Variants in GOT1L1 observed in about 807,000 individuals in gnomAD.
GOT1L1 encodes the protein aspartate aminotransferase, cytoplasmic 2.
Under a neutral mutation model 43.6 loss-of-function variants are expected in GOT1L1, and 38 were observed. That is an observed-to-expected ratio of 0.87 (90% confidence interval 0.67 to 1.14). The LOEUF (loss-of-function observed/expected upper bound fraction) is 1.14, where lower values mean the gene tolerates loss of function less well. Ranked by LOEUF, GOT1L1 falls within the 50% of genes most tolerant of loss-of-function variation. GOT1L1 has a pLI of 0.00. For missense variants in GOT1L1, 482 were observed against 504.0 expected (o/e 0.96, Z 0.42); for synonymous variants, 183 against 187.2 (o/e 0.98, Z 0.18).
At chr8:37,936,616 A>G in intron 6 of GOT1L1, 104 bp downstream of exon 6, 1 of 1,014,616 alleles carries the variant, frequency 9.9e-7, no homozygotes, top group East Asian at 2.4e-5. Flanking sequence ...CTCTCCCTAG[A>G]GTCCTTGGCT....
At chr8:37,937,466 G>A in intron 3 of GOT1L1, 80 bp from the exon 4 acceptor site, 1 of 1,068,672 alleles carries the variant, frequency 9.4e-7, no homozygotes, top group East Asian at 2.5e-5. Context: ...GTGGGGCTGA[G>A]AGTCACTGGC....
intron 2 of GOT1L1, 130 bp from the exon 3 acceptor site, chr8:37,937,879 A>C: frequency 1.6e-6 from 1 of 617,248 alleles, no homozygotes; most frequent in South Asian, 1.8e-5. Flanking sequence ...CGTATCTACT[A>C]AAAATACAAA....
rs375063038 is a variant in GOT1L1, at chr8:37,935,212, C to G, written c.933G>C (p.Lys311Asn). The change falls in exon 8 of 9, where the codon AAG (lysine) becomes AAC (asparagine). Residue 311 changes from lysine (K) to asparagine (N), a missense_variant. Physicochemically the swap from Lys to Asn is moderately conservative, Grantham distance 94. Transcript: ENST00000307599. ...LCNPALLGEWKQSLKEVVENI... is the reference protein window; with the variant it reads ...LCNPALLGEWNQSLKEVVENI... ...TCTCTACAACTTCTTTTAGACTCTG[C>G]TTCCTACCAAGGAAGGACAATGAGA... is the stretch of plus-strand genomic sequence containing the variant. The G allele has an allele frequency of 4.4e-6, 7 of 1,592,220 alleles. No individual in the cohort carries two copies. Among genetic ancestry groups the G allele is most frequent in the South Asian group, 1.1e-5 (1 of 87,996 alleles).
chr8:37,939,808 C>T, intron 1 of GOT1L1, 107 bp downstream of exon 1: 1 of 1,083,366 alleles, frequency 9.2e-7, no homozygotes, highest in East Asian at 2.7e-5. Context: ...ATCTCTCCAC[C>T]CACAGAAGCT....
At position 37,937,276 on chromosome 8, in the gene GOT1L1, C is replaced by A. The variant is rs1321075694; in HGVS notation, c.519+1G>T. Reference sequence around the variant, plus strand: ...GGAGTTTCTGAGCGGGGCCCCTCTACCTCCACCACATTGAGGAGTATGTCG... The same window carrying A: ...GGAGTTTCTGAGCGGGGCCCCTCTAACTCCACCACATTGAGGAGTATGTCG... On this transcript the variant is annotated splice_donor_variant, in intron 4 of 8. Coordinates refer to ENST00000307599, the MANE Select transcript of GOT1L1 (RefSeq NM_152413.3). LOFTEE classifies it high-confidence loss of function. The A allele has an allele frequency of 2.5e-6, 4 of 1,581,242 alleles. No homozygotes were observed. The highest frequency in any genetic ancestry group is 3.4e-6 in the Non-Finnish European group (4 of 1,163,242).
Position 37,935,728 on chromosome 8 carries a change from C to T in GOT1L1, c.905G>A (p.Cys302Tyr), listed in dbSNP as rs776381837. 1.3e-6 allele frequency: 2 copies of T among 1,598,652 alleles called. No individual in the cohort carries two copies. The highest frequency in any genetic ancestry group is 3.3e-4 in the Middle Eastern group (2 of 5,992). Residue 302 changes from cysteine to tyrosine, a missense_variant, in exon 7 of 9, where the codon TGC becomes TAC. Physicochemically the swap from Cys to Tyr is radical, Grantham distance 194 (BLOSUM62 -2). Coordinates refer to ENST00000307599, the MANE Select transcript of GOT1L1 (RefSeq NM_152413.3). Reference protein sequence around the residue: ...TGARVITSILCNPALLGEWKQ... With the variant: ...TGARVITSILYNPALLGEWKQ... ...CCATTCTCCCAGCAGAGCAGGGTTG[C>T]AGAGGATGGAGGTGATGACACGTGC...
rs149617827 is a variant in GOT1L1 at position 37,937,578 on chromosome 8, G to A, written c.409+60C>T. The A allele has an allele frequency of 5.5e-4, 689 of 1,251,330 alleles. 5 individuals are homozygous for A. In the African/African-American group the frequency reaches 9.2e-3, roughly 17 times the overall value. The allele number at this position is 1,251,330 out of a possible 1,614,324, so 77.5% of individuals were successfully genotyped here. On this transcript the variant is annotated intron_variant, in intron 3 of 8. Transcript: ENST00000307599. Reference sequence around the variant, plus strand: ...GGATAACAGTGAAGATGGCAAATGGGGTGAGGATTAGGAACAAGGGACGGG... The same window carrying A: ...GGATAACAGTGAAGATGGCAAATGGAGTGAGGATTAGGAACAAGGGACGGG...
chr8:37,939,580 TG>T (rs1455457417), intron 1 of GOT1L1, among the ~76,000 whole-genome samples: 1 of 151,070 alleles, frequency 6.6e-6, no homozygotes, highest in Non-Finnish European at 1.5e-5. Flanking sequence ...GAACCATTCT[TG>T]GTTCAAGAAC....
rs760143482 is a variant in GOT1L1, at chr8:37,934,498, A to G, written c.1073-12T>C. The G allele has an allele frequency of 8.1e-6, 13 of 1,603,552 alleles. No homozygotes were observed. Among genetic ancestry groups the G allele is most frequent in the Non-Finnish European group, 1.1e-5 (13 of 1,170,804 alleles). On this transcript the variant is annotated splice_polypyrimidine_tract_variant and intron_variant, in intron 8 of 8. Coordinates refer to ENST00000307599, the MANE Select transcript of GOT1L1 (RefSeq NM_152413.3). ...TTCCACCTGCTGGGCTAAAATCATG[A>G]CAAGGTCTCAGATCTCGAGACTGGC... is the stretch of plus-strand genomic sequence containing the variant.
intron 7 of GOT1L1, 111 bp downstream of exon 7, chr8:37,935,592 TA>T: frequency 9.9e-7 from 1 of 1,007,608 alleles, no homozygotes; most frequent in Non-Finnish European, 1.4e-6. Context: ...ATGAATGGAG[TA>T]AAAAGGCCAC....
intron 7 of GOT1L1, 135 bp from the exon 8 acceptor site, chr8:37,935,350 G>A: frequency 6.4e-6 from 6 of 937,380 alleles, no homozygotes; most frequent in Non-Finnish European, 9.4e-6. Flanking sequence ...ATTATGAGTG[G>A]GAGGGAGGTT....
intron 1 of GOT1L1, among the ~76,000 whole-genome samples, chr8:37,939,636 GA>G: frequency 6.6e-6 from 1 of 151,760 alleles, no homozygotes; most frequent in Non-Finnish European, 1.5e-5. Flanking sequence ...AGAATCTGAA[GA>G]AGTGTGGGAT....
rs202216080 is a variant in GOT1L1, at chr8:37,935,768, G to A, written c.865C>T (p.Pro289Ser). 28 of 1,611,896 alleles carry A rather than the reference G, an allele frequency of 1.7e-5. No homozygotes were observed. The highest frequency in any genetic ancestry group is 1.3e-4 in the African/African-American group (10 of 74,814). ...ATGACACGTGCACCCGTGTTGGGGG[G>A]GTTTAGCCACAGGGCCTGGGCTAAT... ...EGLAQALWLN[P>S]PNTGARVITS... The change falls in exon 7 of 9, where the codon CCC becomes TCC. Residue 289 changes from proline to serine, a missense_variant. By Grantham distance (74) the Pro-to-Ser change is moderately conservative. Transcript: ENST00000307599.
chr8:37,935,877 G>A lies in GOT1L1; in HGVS notation c.764-8C>T. On this transcript the variant is annotated splice_polypyrimidine_tract_variant and splice_region_variant and intron_variant, in intron 6 of 8. Coordinates refer to ENST00000307599, the MANE Select transcript of GOT1L1 (RefSeq NM_152413.3). ...GCATCCCCACTCCTTCATCTGCAGT[G>A]TTGGGAAGACAGCCTCAGCCTCAGC... 1 of 1,610,524 alleles carries A rather than the reference G, an allele frequency of 6.2e-7. No individual in the cohort carries two copies. The highest frequency in any genetic ancestry group is 8.5e-7 in the Non-Finnish European group (1 of 1,178,442).
chr8:37,938,438 G>C (rs1807824072), intron 2 of GOT1L1, among the ~76,000 whole-genome samples: 1 of 152,078 alleles, frequency 6.6e-6, no homozygotes, highest in African/African-American at 2.4e-5. Context: ...ACAGTAATGG[G>C]AATACTAACA....
rs1350127630 is a variant in GOT1L1, at chr8:37,938,861, G to A, written c.136C>T (p.His46Tyr). 1 of 1,613,762 alleles carries A rather than the reference G, an allele frequency of 6.2e-7. No homozygotes were observed. The highest frequency in any genetic ancestry group is 8.5e-7 in the Non-Finnish European group (1 of 1,179,738). The change falls in exon 2 of 9, where the codon CAT (histidine) becomes TAT (tyrosine). Residue 46 changes from histidine (H) to tyrosine (Y), a missense_variant. Transcript: ENST00000307599. Reference sequence around the variant, plus strand: ...TGCACCACGAGAGAAACCCAGGGATGGCCTTCATTTGTCATGCAGACTGTG... The same window carrying A: ...TGCACCACGAGAGAAACCCAGGGATAGCCTTCATTTGTCATGCAGACTGTG... ...AYRVCMTNEGHPWVSLVVQKT... is the reference protein window; with the variant it reads ...AYRVCMTNEGYPWVSLVVQKT...
intron 2 of GOT1L1, 82 bp from the exon 3 acceptor site, chr8:37,937,831 G>A (rs989738159): frequency 4.1e-5 from 37 of 893,872 alleles, no homozygotes; most frequent in African/African-American, 1.5e-4. Context: ...GCTGGGGTGG[G>A]TGGATCACTC....
rs751964956 is a variant in GOT1L1, at chr8:37,934,307, C to T, written c.1252G>A (p.Gly418Arg). 3 of 1,610,490 alleles carry T rather than the reference C, an allele frequency of 1.9e-6. No homozygotes were observed. Among genetic ancestry groups the T allele is most frequent in the East Asian group, 2.2e-5 (1 of 44,838 alleles). ...TTTTGCAAAGACTAAAGTTTTATTC[C>T]AATCAGTGTTTTTTTTTCCTTTGGA... ...CLPKEKKTLIGIKL is the reference protein window; with the variant it reads ...CLPKEKKTLIRIKL The change falls in exon 9 of 9, where the codon GGA becomes AGA. Residue 418 changes from glycine (G) to arginine (R), a missense_variant. Physicochemically the swap from Gly to Arg is moderately radical, Grantham distance 125 (BLOSUM62 -2). Transcript: ENST00000307599.
intron 1 of GOT1L1, 59 bp downstream of exon 1, chr8:37,939,856 C>T: frequency 1.3e-6 from 2 of 1,532,422 alleles, no homozygotes; most frequent in African/African-American, 1.4e-5. Context: ...GGAACACTGT[C>T]CTCCTAGAGG....
Sources: gnomAD v4.1 joint callset for allele counts (sites outside exome capture counted in the v4.1 genomes callset) on GRCh38, gnomAD v4.1.1 for gene constraint, MANE v1.5 for transcripts, NCBI Gene and HGNC (gene_info 2026-07-23, HGNC 2026-07-21) for gene names.